Variants in RAB33A observed in about 807,000 individuals in gnomAD.
RAB33A encodes ras-related protein Rab-33A.
In RAB33A, 6 loss-of-function variants were observed where a neutral mutation model predicts 12.0. The ratio of observed to expected loss-of-function variants is 0.50; its 90% CI spans 0.27 to 0.99. The LOEUF is 0.99. Among genes scored for constraint, RAB33A ranks in the 50% least tolerant of loss-of-function variants. RAB33A has a pLI of 0.11. For missense variants in RAB33A, 109 were observed against 192.0 expected, an observed-to-expected ratio of 0.57 and a Z score of 2.55; for synonymous variants, 70 against 82.4, an observed-to-expected ratio of 0.85 and a Z score of 0.81.
intron 1 of RAB33A, among the ~76,000 whole-genome samples, chrX:130,179,803 GATA>G (rs1240230759): frequency 9.9e-6 from 1 of 100,946 alleles, no homozygotes; most frequent in East Asian, 3.1e-4. Flanking sequence ...GTCTGCTGCT[GATA>G]ATGATGATGA....
At chrX:130,117,200 CAA>C in the RAB33A span, among the ~76,000 whole-genome samples, 1 of 111,917 alleles carries the variant, frequency 8.9e-6, no homozygotes. Context: ...GGTGACAGAG[CAA>C]AAGACTCCAT....
the RAB33A span, among the ~76,000 whole-genome samples, chrX:130,136,415 A>C: frequency 8.9e-6 from 1 of 112,001 alleles, no homozygotes; most frequent in Non-Finnish European, 1.9e-5. Context: ...AGGACTCAAA[A>C]CTCTGTGAGA....
At chrX:130,131,224 C>T in the RAB33A span, among the ~76,000 whole-genome samples, 1 of 111,951 alleles carries the variant, frequency 8.9e-6, no homozygotes, top group Admixed American at 9.5e-5. Flanking sequence ...CCCAGTTCCT[C>T]CCTGCGCAGG....
the RAB33A span, chrX:130,136,524 C>G: frequency 1.5e-6 from 1 of 660,619 alleles, no homozygotes; most frequent in Non-Finnish European, 2.4e-6. Context: ...AAAATTATAT[C>G]AGGTTAATGG....
At chrX:130,167,359 C>G (rs1200274349), upstream of RAB33A, among the ~76,000 whole-genome samples, 1 of 112,432 alleles carries the variant, frequency 8.9e-6, no homozygotes, top group Non-Finnish European at 1.9e-5. Context: ...AAGCACCATG[C>G]TGTTTGTTAA....
the RAB33A span, among the ~76,000 whole-genome samples, chrX:130,128,574 A>AAAT: frequency 3.6e-5 from 4 of 112,257 alleles, no homozygotes; most frequent in Non-Finnish European, 7.5e-5. Flanking sequence ...CTCCATCTCA[A>AAAT]AATAATAATA....
At chrX:130,155,036 A>G in the RAB33A span, 3 of 941,470 alleles carry the variant, frequency 3.2e-6, no homozygotes, top group South Asian at 6.1e-5. Flanking sequence ...TCCCTTTAAT[A>G]AACACCTAGA....
chrX:130,154,689 A>C, the RAB33A span, among the ~76,000 whole-genome samples: 1 of 112,372 alleles, frequency 8.9e-6, no homozygotes, highest in South Asian at 3.7e-4. Context: ...AGAAGCATTC[A>C]ATAAAATGCC....
chrX:130,135,923 A>G, the RAB33A span: 1 of 947,305 alleles, frequency 1.1e-6, no homozygotes, highest in Non-Finnish European at 1.5e-6. Flanking sequence ...CTGTACCCTC[A>G]GCCTCCAAAC....
the RAB33A span, among the ~76,000 whole-genome samples, chrX:130,164,330 G>A: frequency 8.9e-6 from 1 of 112,415 alleles, no homozygotes. Flanking sequence ...TATGTCCCAG[G>A]ACATAACTCA....
At chrX:130,133,222 G>C in the RAB33A span, 1 of 1,117,423 alleles carries the variant, frequency 8.9e-7, no homozygotes, top group Non-Finnish European at 1.2e-6. Context: ...AAGCTAACTG[G>C]CTCATAATAA....
upstream of RAB33A, among the ~76,000 whole-genome samples, chrX:130,170,983 C>T (rs2124684700): frequency 8.8e-6 from 1 of 113,158 alleles, no homozygotes; most frequent in South Asian, 3.6e-4. Context: ...CGCGGCGGGC[C>T]TTCCCCATTG....
chrX:130,139,806 G>C, the RAB33A span: 5 of 1,209,750 alleles, frequency 4.1e-6, no homozygotes, highest in Non-Finnish European at 5.6e-6. Flanking sequence ...TTTCTGAAAA[G>C]CGTTGTTCTA....
At chrX:130,153,595 C>T in the RAB33A span, among the ~76,000 whole-genome samples, 40 of 110,988 alleles carry the variant, frequency 3.6e-4, no homozygotes, top group African/African-American at 1.2e-3. Flanking sequence ...GGCAATGGGG[C>T]ATTGGGGAGG....
At chrX:130,174,516 C>T (rs746592905) in intron 1 of RAB33A, among the ~76,000 whole-genome samples, 2 of 112,443 alleles carry the variant, frequency 1.8e-5, no homozygotes, top group South Asian at 7.3e-4. Context: ...AAGATTTGGC[C>T]TCGCACTCTG....
intron 1 of RAB33A, among the ~76,000 whole-genome samples, chrX:130,183,554 C>CA (rs371380251): frequency 0.016 from 1,659 of 103,094 alleles, 24 homozygotes; most frequent in African/African-American, 0.055. Flanking sequence ...GACACGGTCT[C>CA]AAAAAAAAAA....
At chrX:130,129,836 C>CT in the RAB33A span, 2 of 872,658 alleles carry the variant, frequency 2.3e-6, no homozygotes, top group Non-Finnish European at 3.4e-6. Context: ...TGAGCCAAGG[C>CT]TATACCTTTG....
chrX:130,180,266 T>A (rs2031708401), intron 1 of RAB33A, among the ~76,000 whole-genome samples: 1 of 111,512 alleles, frequency 9.0e-6, no homozygotes, highest in Non-Finnish European at 1.9e-5. Context: ...GTGAATGGCA[T>A]GCTGATACAA....
the RAB33A span, chrX:130,149,335 C>T: frequency 1.8e-6 from 1 of 569,021 alleles, no homozygotes; most frequent in East Asian, 3.4e-5. Context: ...TAGGGTAATA[C>T]CATACTTTCT....
Sources: allele counts gnomAD v4.1 joint callset (sites outside exome capture counted in the v4.1 genomes callset), GRCh38; gene constraint gnomAD v4.1.1; transcripts MANE v1.5; gene names NCBI Gene and HGNC (gene_info 2026-07-23, HGNC 2026-07-21).